The following MGAT4C variants were observed in gnomAD, a reference collection of about 807,000 sequenced individuals.
MGAT4C encodes MGAT4 family member C.
Under a neutral mutation model 40.1 loss-of-function variants are expected in MGAT4C, and 19 were observed. The observed-to-expected ratio is 0.47, with a 90% CI of 0.33 to 0.70. MGAT4C has a LOEUF of 0.70. MGAT4C is among the 30% of genes least tolerant of loss of function. The pLI, the probability that MGAT4C is intolerant of heterozygous loss-of-function variation, is 0.02. For synonymous variants in MGAT4C, 181 were observed against 187.1 expected (o/e 0.97, Z 0.27); for missense variants, 491 against 563.2 (o/e 0.87, Z 1.30).
chr12:86,548,153 CCTT>C (rs1219243440), intron 2 of MGAT4C, among the ~76,000 whole-genome samples: 1 of 152,038 alleles, frequency 6.6e-6, no homozygotes, highest in Non-Finnish European at 1.5e-5. Context: ...AACAGGATAA[CCTT>C]CTGTTTATTC....
chr12:86,402,031 A>G (rs1442235683), intron 3 of MGAT4C, among the ~76,000 whole-genome samples: 2 of 151,996 alleles, frequency 1.3e-5, no homozygotes, highest in Non-Finnish European at 2.9e-5. Flanking sequence ...GCCATATTCT[A>G]TATTATTATT....
At chr12:86,000,049 T>C (rs1262692868) in intron 2 of MGAT4C, among the ~76,000 whole-genome samples, 1 of 152,154 alleles carries the variant, frequency 6.6e-6, no homozygotes, top group Non-Finnish European at 1.5e-5. Context: ...GTGACAGATA[T>C]GCTAATTACC....
chr12:86,010,072 A>G (rs999529759), intron 2 of MGAT4C, among the ~76,000 whole-genome samples: 1 of 152,212 alleles, frequency 6.6e-6, no homozygotes, highest in Non-Finnish European at 1.5e-5. Context: ...ATATGGTGTA[A>G]GAATAATGCA....
chr12:86,704,247 G>T (rs1019868948), intron 2 of MGAT4C, among the ~76,000 whole-genome samples: 1 of 152,044 alleles, frequency 6.6e-6, no homozygotes, highest in Non-Finnish European at 1.5e-5. Context: ...GAAGAAAAAA[G>T]TTACTCCTAA....
At position 86,215,436 on chromosome 12, in the gene MGAT4C, A is replaced by G. The variant is rs529826902; in HGVS notation, c.-57+40803T>C. On this transcript the variant is annotated intron_variant, in intron 1 of 4. Coordinates refer to ENST00000611864, the MANE Select transcript of MGAT4C (RefSeq NM_001351288.2). ...ATAGCAAACTGCAACTTAATTTAGT[A>G]TGTAAAGGAACTGCAATCTAAATTA... Among the ~76,000 whole-genome samples the G allele has an allele frequency of 7.2e-5, 11 of 152,292 alleles. 1 individual carries two copies. The East Asian group carries it at 2.1e-3, about 29-fold the overall frequency.
rs1212967914 is a variant in MGAT4C, at chr12:85,964,935, A to C, written c.*14354T>G. 4 of 152,168 alleles carry C rather than the reference A, an allele frequency of 2.6e-5. No homozygotes were observed. Among genetic ancestry groups the C allele is most frequent in the Admixed American group, 2.6e-4 (4 of 15,264 alleles). 9.4% of individuals were successfully genotyped at this position (152,168 alleles called of 1,614,324 possible). A position where few individuals can be genotyped will look rare whatever the true frequency, so the allele number is the denominator to read the frequency against. On this transcript the variant is annotated 3_prime_UTR_variant, in exon 5 of 5. Transcript: ENST00000611864. ...TGAGGCCCCAGAGAGCCCTCGAGAAATGCAAATAAACTATTACTGACCTCC... is the reference window on the plus strand; with the variant it reads ...TGAGGCCCCAGAGAGCCCTCGAGAACTGCAAATAAACTATTACTGACCTCC...
chr12:86,599,396 T>C (rs951266525), intron 2 of MGAT4C, among the ~76,000 whole-genome samples: 3 of 152,164 alleles, frequency 2.0e-5, no homozygotes, highest in Non-Finnish European at 2.9e-5. Flanking sequence ...GATGAAAAAA[T>C]AGCCATTGGC....
chr12:86,507,780 C>T (rs2136343229), intron 2 of MGAT4C, among the ~76,000 whole-genome samples: 1 of 152,196 alleles, frequency 6.6e-6, no homozygotes, highest in East Asian at 1.9e-4. Flanking sequence ...TAAATCAGTA[C>T]TTCTTTAAAA....
chr12:86,601,800 G>A (rs1961792630), intron 2 of MGAT4C, among the ~76,000 whole-genome samples: 1 of 152,128 alleles, frequency 6.6e-6, no homozygotes, highest in Non-Finnish European at 1.5e-5. Flanking sequence ...ACACAAACAG[G>A]CTAAACACAC....
intron 1 of MGAT4C, among the ~76,000 whole-genome samples, chr12:86,224,171 C>A (rs1950989073): frequency 6.6e-6 from 1 of 152,160 alleles, no homozygotes; most frequent in African/African-American, 2.4e-5. Context: ...GACTGCCCAT[C>A]TGGCATCCCA....
At chr12:86,346,900 G>A (rs1274195096) in intron 3 of MGAT4C, among the ~76,000 whole-genome samples, 1 of 152,204 alleles carries the variant, frequency 6.6e-6, no homozygotes, top group Non-Finnish European at 1.5e-5. Context: ...GACTTGCTGT[G>A]TCTTCCGGCC....
intron 4 of MGAT4C, among the ~76,000 whole-genome samples, chr12:86,317,491 A>G (rs1471655075): frequency 6.6e-6 from 1 of 152,146 alleles, no homozygotes; most frequent in African/African-American, 2.4e-5. Context: ...AGACATTTAT[A>G]TGTGTCAGAA....
intron 1 of MGAT4C, among the ~76,000 whole-genome samples, chr12:86,241,837 A>G (rs1269675362): frequency 6.6e-6 from 1 of 152,162 alleles, no homozygotes; most frequent in Non-Finnish European, 1.5e-5. Flanking sequence ...CAATGCTGAC[A>G]AGCCTTTAGC....
chr12:86,087,708 T>C (rs963632553), intron 1 of MGAT4C, among the ~76,000 whole-genome samples: 1 of 151,862 alleles, frequency 6.6e-6, no homozygotes, highest in Admixed American at 6.6e-5. Flanking sequence ...ATTTCTACAA[T>C]GAAAGTTATG....
intron 2 of MGAT4C, among the ~76,000 whole-genome samples, chr12:86,516,920 C>G (rs1958700427): frequency 2.0e-5 from 3 of 152,062 alleles, no homozygotes; most frequent in African/African-American, 7.2e-5. Flanking sequence ...ACATTATACA[C>G]AAATGTCAAT....
At chr12:86,160,577 T>C (rs1885483158) in intron 1 of MGAT4C, among the ~76,000 whole-genome samples, 1 of 152,036 alleles carries the variant, frequency 6.6e-6, no homozygotes, top group Admixed American at 6.6e-5. Context: ...GTTTTGTAGA[T>C]GTTTCTTAGG....
At chr12:86,504,319 T>A (rs1479452151) in intron 2 of MGAT4C, among the ~76,000 whole-genome samples, 3 of 152,134 alleles carry the variant, frequency 2.0e-5, no homozygotes, top group Non-Finnish European at 4.4e-5. Flanking sequence ...TACATATGTG[T>A]GTGTAAAGAC....
intron 1 of MGAT4C, among the ~76,000 whole-genome samples, chr12:86,156,342 G>C (rs1440572797): frequency 6.6e-6 from 1 of 152,090 alleles, no homozygotes. Flanking sequence ...TTTTCTTTGA[G>C]GCGGAGTTCT....
chr12:86,388,423 CT>C (rs1447082949), intron 3 of MGAT4C, among the ~76,000 whole-genome samples: 1 of 152,028 alleles, frequency 6.6e-6, no homozygotes, highest in East Asian at 1.9e-4. Context: ...CTCATTAGAA[CT>C]TCTTTTCATA....
Sources: allele counts gnomAD v4.1 joint callset (sites outside exome capture counted in the v4.1 genomes callset), GRCh38; gene constraint gnomAD v4.1.1; transcripts MANE v1.5; gene names NCBI Gene and HGNC (gene_info 2026-07-23, HGNC 2026-07-21).